The following OPHN1 variants were observed in gnomAD, a reference collection of about 807,000 sequenced individuals.
The protein encoded by OPHN1 is oligophrenin 1, also known as oligophrenin-1.
A neutral mutation model predicts 60.7 loss-of-function variants in OPHN1; 11 were observed. The ratio of observed to expected loss-of-function variants is 0.18; its 90% CI spans 0.11 to 0.30. The LOEUF is 0.30. Ranked by LOEUF, OPHN1 falls within the 10% of genes least tolerant of loss-of-function variation. The probability of loss-of-function intolerance (pLI) is 1.00; values close to 1 mark genes in which losing one functional copy is unlikely to be tolerated. For missense variants in OPHN1, 449 were observed against 611.0 expected (o/e 0.73, Z 2.80); for synonymous variants, 226 against 222.6 (o/e 1.02, Z -0.14).
chrX:68,120,282 CAG>C (rs1223200376), intron 15 of OPHN1, among the ~76,000 whole-genome samples: 3 of 111,592 alleles, frequency 2.7e-5, no homozygotes, highest in Non-Finnish European at 3.8e-5. Context: ...CCAAAAATAA[CAG>C]AGGAGGCAAA....
At chrX:68,171,064 A>T (rs973804761) in intron 15 of OPHN1, among the ~76,000 whole-genome samples, 3 of 111,272 alleles carry the variant, frequency 2.7e-5, no homozygotes, top group Non-Finnish European at 5.7e-5. Flanking sequence ...TGCTAGCACA[A>T]CAGGGTGATT....
chrX:68,407,503 G>C (rs1402495001), intron 2 of OPHN1, among the ~76,000 whole-genome samples: 1 of 112,162 alleles, frequency 8.9e-6, no homozygotes, highest in African/African-American at 3.2e-5. Flanking sequence ...TTATGAATAT[G>C]TTGATCCTAT....
chrX:68,188,555 C>G (rs988092938), intron 15 of OPHN1, among the ~76,000 whole-genome samples: 23 of 111,753 alleles, frequency 2.1e-4, no homozygotes, highest in African/African-American at 7.1e-4. Flanking sequence ...AATAAAGTAT[C>G]TTGATATGTA....
intron 15 of OPHN1, among the ~76,000 whole-genome samples, chrX:68,178,701 G>T (rs2077424336): frequency 8.9e-6 from 1 of 112,090 alleles, no homozygotes; most frequent in Non-Finnish European, 1.9e-5. Flanking sequence ...ACTGCGCCCA[G>T]CCCAGGTCTA....
At chrX:68,057,489 C>T (rs986654693) in intron 21 of OPHN1, among the ~76,000 whole-genome samples, 3 of 111,444 alleles carry the variant, frequency 2.7e-5, no homozygotes, top group Non-Finnish European at 3.8e-5. Flanking sequence ...AGCTGGAAAA[C>T]ATGTCTACCT....
intron 2 of OPHN1, among the ~76,000 whole-genome samples, chrX:68,397,524 A>AT (rs753432008): frequency 3.2e-4 from 10 of 31,569 alleles, no homozygotes; most frequent in Non-Finnish European, 4.7e-4. Context: ...TTATTTATTT[A>AT]TTTTTTTTTT....
chrX:68,162,511 C>A (rs371777508), intron 15 of OPHN1, among the ~76,000 whole-genome samples: 2 of 110,175 alleles, frequency 1.8e-5, no homozygotes, highest in East Asian at 5.6e-4. Context: ...GTATAAAAAA[C>A]GTAAGTAACA....
intron 19 of OPHN1, among the ~76,000 whole-genome samples, chrX:68,078,134 G>A (rs761612254): frequency 9.0e-6 from 1 of 111,057 alleles, no homozygotes; most frequent in East Asian, 2.8e-4. Flanking sequence ...CTCTTAAATG[G>A]GGCCAATTCT....
intron 2 of OPHN1, among the ~76,000 whole-genome samples, chrX:68,358,850 A>G (rs764539987): frequency 3.6e-5 from 4 of 111,912 alleles, no homozygotes; most frequent in Non-Finnish European, 5.6e-5. Flanking sequence ...GGAGAAATTG[A>G]GTAACTTGTC....
intron 5 of OPHN1, among the ~76,000 whole-genome samples, chrX:68,247,357 T>C (rs1204244434): frequency 8.9e-6 from 1 of 112,015 alleles, no homozygotes; most frequent in Non-Finnish European, 1.9e-5. Context: ...TAGTTTTGCT[T>C]GTCAGGCATA....
intron 15 of OPHN1, among the ~76,000 whole-genome samples, chrX:68,176,372 A>C (rs2077414174): frequency 8.9e-6 from 1 of 111,915 alleles, no homozygotes; most frequent in Non-Finnish European, 1.9e-5. Context: ...AAATGAGCAA[A>C]GAATTTGAAT....
chrX:68,167,186 A>T (rs2077362314), intron 15 of OPHN1, among the ~76,000 whole-genome samples: 1 of 112,029 alleles, frequency 8.9e-6, no homozygotes, highest in Non-Finnish European at 1.9e-5. Context: ...ACTGTGTAGA[A>T]AAAAAGTCTA....
intron 6 of OPHN1, among the ~76,000 whole-genome samples, chrX:68,229,450 G>T (rs1390083810): frequency 9.0e-6 from 1 of 111,632 alleles, no homozygotes; most frequent in African/African-American, 3.3e-5. Flanking sequence ...AGCCCACATT[G>T]CCAAGACAAT....
chrX:68,342,654 A>G (rs1465103132), intron 2 of OPHN1, among the ~76,000 whole-genome samples: 1 of 112,429 alleles, frequency 8.9e-6, no homozygotes, highest in Non-Finnish European at 1.9e-5. Flanking sequence ...TGAAACAGAC[A>G]ATTCAGGCTG....
In OPHN1 at chrX:68,238,221, A is replaced by T. The variant is rs185889989; in HGVS notation, c.385-3633T>A. Among the ~76,000 whole-genome samples the T allele has an allele frequency of 7.2e-5, 8 of 111,009 alleles. No individual in the cohort carries two copies. In the East Asian group the frequency reaches 2.3e-3, roughly 31 times the overall value. On this transcript the variant is annotated intron_variant, in intron 5 of 24. Transcript: ENST00000355520. ...TCATTATTCCTATAATCACCTATGA[A>T]TTTTTCCACTCCCCATTAATTTGGA...
At chrX:68,142,244 G>T (rs2147477687) in intron 15 of OPHN1, among the ~76,000 whole-genome samples, 1 of 112,317 alleles carries the variant, frequency 8.9e-6, no homozygotes, top group East Asian at 2.8e-4. Flanking sequence ...AAAATTACGA[G>T]CATGCTCACA....
At chrX:68,270,326 C>T (rs1306265556) in intron 5 of OPHN1, among the ~76,000 whole-genome samples, 1 of 110,719 alleles carries the variant, frequency 9.0e-6, no homozygotes, top group African/African-American at 3.3e-5. Flanking sequence ...ATAGCAAAGA[C>T]TTGGAACCAA....
At chrX:68,106,337 A>C (rs1340159710) in intron 18 of OPHN1, among the ~76,000 whole-genome samples, 1 of 110,576 alleles carries the variant, frequency 9.0e-6, no homozygotes, top group East Asian at 2.8e-4. Context: ...GCCCAGGCCT[A>C]AGGTTACATA....
At chrX:68,422,711 GAA>G (rs2078833671) in intron 2 of OPHN1, among the ~76,000 whole-genome samples, 1 of 67,980 alleles carries the variant, frequency 1.5e-5, no homozygotes, top group Admixed American at 2.0e-4. Context: ...GAGAGAGAGA[GAA>G]AGAAAGAAAG....
Sources: allele counts gnomAD v4.1 joint callset (sites outside exome capture counted in the v4.1 genomes callset), GRCh38; gene constraint gnomAD v4.1.1; transcripts MANE v1.5; gene names NCBI Gene and HGNC (gene_info 2026-07-23, HGNC 2026-07-21).